Variants in MAGI2 observed in about 807,000 individuals in gnomAD.
MAGI2 encodes the protein membrane-associated guanylate kinase, WW and PDZ domain-containing protein 2.
In MAGI2, 35 loss-of-function variants were observed where a neutral mutation model predicts 133.3. That is an observed-to-expected ratio of 0.26 (90% confidence interval 0.20 to 0.35). The LOEUF (loss-of-function observed/expected upper bound fraction) is 0.35. Ranked by LOEUF, MAGI2 falls within the 10% of genes least tolerant of loss-of-function variation. The pLI, the probability that MAGI2 is intolerant of heterozygous loss-of-function variation, is 1.00. For synonymous variants in MAGI2, 729 were observed against 710.6 expected, an observed-to-expected ratio of 1.03 and a Z score of -0.41; for missense variants, 1,636 against 1,863.4, an observed-to-expected ratio of 0.88 and a Z score of 2.25.
At chr7:78,829,415 CTCAA>C (rs1470570704) in intron 2 of MAGI2, among the ~76,000 whole-genome samples, 4 of 151,908 alleles carry the variant, frequency 2.6e-5, no homozygotes, top group African/African-American at 7.3e-5. Context: ...TTTTTCATGG[CTCAA>C]TCAAAGATTT....
chr7:78,915,840 G>T (rs1205026996), intron 2 of MAGI2, among the ~76,000 whole-genome samples: 1 of 151,814 alleles, frequency 6.6e-6, no homozygotes, highest in African/African-American at 2.4e-5. Context: ...AAGGAGTGGG[G>T]GACTGCTTTT....
At chr7:79,033,454 T>C (rs988665127) in intron 1 of MAGI2, among the ~76,000 whole-genome samples, 4 of 151,980 alleles carry the variant, frequency 2.6e-5, no homozygotes, top group Non-Finnish European at 4.4e-5. Context: ...ATATGTGTTT[T>C]CTATGTCTAT....
intron 1 of MAGI2, among the ~76,000 whole-genome samples, chr7:79,026,662 C>G (rs1809914645): frequency 6.6e-6 from 1 of 151,976 alleles, no homozygotes; most frequent in Non-Finnish European, 1.5e-5. Context: ...TGCCTGAGCT[C>G]AGGAGTTCGA....
chr7:79,175,396 C>T (rs1188033546), intron 1 of MAGI2, among the ~76,000 whole-genome samples: 3 of 151,762 alleles, frequency 2.0e-5, no homozygotes, highest in Non-Finnish European at 2.9e-5. Context: ...TCTCTGTTGC[C>T]CCCTTCCCAT....
In MAGI2 at chr7:78,019,829, G is replaced by A; in HGVS notation, c.3854C>T (p.Thr1285Ile). 1.9e-6 allele frequency: 3 copies of A among 1,613,616 alleles called. No homozygotes were observed. Among genetic ancestry groups the A allele is most frequent in the Non-Finnish European group, 2.5e-6 (3 of 1,179,930 alleles). ...DPSHQISPGP[T>I]WDIKREHDVR... ...GTCGTGTTCCCGTTTGATATCCCAA[G>A]TTGGGCCTGGGCTTATCTGGTGGGA... Residue 1285 changes from threonine to isoleucine, a missense_variant, in exon 22 of 22, where the codon ACT (threonine) becomes ATT (isoleucine). By Grantham distance (89) the Thr-to-Ile change is moderately conservative (BLOSUM62 -1). Around this residue, in one of 5 missense-constraint regions of MAGI2, gnomAD observed 354 missense variants for 298.7 expected, o/e 1.19. Transcript: ENST00000354212.
chr7:78,183,382 C>T (rs1288202602), intron 13 of MAGI2, among the ~76,000 whole-genome samples: 1 of 150,854 alleles, frequency 6.6e-6, no homozygotes, highest in African/African-American at 2.4e-5. Flanking sequence ...TCTCCTGCCT[C>T]AGCTTCCCGA....
intron 20 of MAGI2, among the ~76,000 whole-genome samples, chr7:78,111,907 G>C (rs1819402816): frequency 6.6e-6 from 1 of 152,198 alleles, no homozygotes; most frequent in South Asian, 2.1e-4. Context: ...ACCCAGACGT[G>C]ATAAAACATT....
At chr7:79,393,413 C>T (rs978257431) in intron 1 of MAGI2, among the ~76,000 whole-genome samples, 2 of 152,220 alleles carry the variant, frequency 1.3e-5, no homozygotes, top group Non-Finnish European at 2.9e-5. Context: ...AAAACAAAAT[C>T]AATTCCTAAT....
chr7:79,311,212 G>A (rs1838265130), intron 1 of MAGI2, among the ~76,000 whole-genome samples: 1 of 151,926 alleles, frequency 6.6e-6, no homozygotes, highest in African/African-American at 2.4e-5. Context: ...GTCTAATACT[G>A]GTATTTGAAT....
chr7:79,122,684 G>T (rs1291776357), intron 1 of MAGI2, among the ~76,000 whole-genome samples: 9 of 144,330 alleles, frequency 6.2e-5, no homozygotes, highest in Non-Finnish European at 1.4e-4. Flanking sequence ...TGCTCTTGTT[G>T]CCCAGGCTGG....
intron 9 of MAGI2, among the ~76,000 whole-genome samples, chr7:78,297,703 A>G (rs990652976): frequency 1.1e-3 from 164 of 151,930 alleles, no homozygotes; most frequent in African/African-American, 3.9e-3. Context: ...ATTGGAAATC[A>G]TCATTCTCAG....
intron 21 of MAGI2, among the ~76,000 whole-genome samples, chr7:78,030,558 A>C (rs567799804): frequency 3.1e-4 from 47 of 152,312 alleles, no homozygotes; most frequent in African/African-American, 1.1e-3. Context: ...CCCGGCCTGA[A>C]TCCAATTATC....
At chr7:78,849,478 G>A (rs1792937707) in intron 2 of MAGI2, among the ~76,000 whole-genome samples, 1 of 152,046 alleles carries the variant, frequency 6.6e-6, no homozygotes, top group African/African-American at 2.4e-5. Flanking sequence ...CATGCAGAAG[G>A]TAACACATGA....
In MAGI2 at chr7:78,629,510, G is replaced by GA. The variant is rs1185926912; in HGVS notation, c.419-2272dup. Among the ~76,000 whole-genome samples the GA allele has an allele frequency of 5.2e-4, 79 of 152,130 alleles. 2 individuals are homozygous for GA. The highest frequency in any genetic ancestry group is 7.7e-4 in the East Asian group (4 of 5,168). The stretch of plus-strand genomic sequence containing the variant: ...GCCTCCCTAACTACTAAAGGACTAT[G>GA]AAAAAACCAGAATCTCTTCCTTCCT... On this transcript the variant is annotated intron_variant, in intron 2 of 21. Coordinates refer to ENST00000354212, the MANE Select transcript of MAGI2 (RefSeq NM_012301.4).
intron 1 of MAGI2, among the ~76,000 whole-genome samples, chr7:79,268,196 C>T (rs1412678471): frequency 6.6e-6 from 1 of 152,054 alleles, no homozygotes; most frequent in Non-Finnish European, 1.5e-5. Flanking sequence ...TTTTAATTTT[C>T]TTTAGTTCAA....
chr7:78,308,674 G>A (rs763100789), intron 9 of MAGI2, among the ~76,000 whole-genome samples: 17 of 151,894 alleles, frequency 1.1e-4, no homozygotes, highest in Non-Finnish European at 1.3e-4. Context: ...TGAAGTCCAC[G>A]AGAATCTCAG....
chr7:78,755,919 G>A (rs1240109474), intron 2 of MAGI2, among the ~76,000 whole-genome samples: 3 of 152,144 alleles, frequency 2.0e-5, no homozygotes, highest in African/African-American at 7.2e-5. Context: ...CAAGAGGGTT[G>A]TAGCTTTTTA....
At chr7:78,581,465 C>A (rs978139265) in intron 3 of MAGI2, among the ~76,000 whole-genome samples, 4 of 152,182 alleles carry the variant, frequency 2.6e-5, no homozygotes, top group African/African-American at 9.6e-5. Flanking sequence ...ATGGTTAGAA[C>A]TTTGACTGTA....
chr7:78,368,111 G>A (rs1401069566), intron 7 of MAGI2, among the ~76,000 whole-genome samples: 1 of 152,088 alleles, frequency 6.6e-6, no homozygotes, highest in Non-Finnish European at 1.5e-5. Flanking sequence ...GAAAATGATG[G>A]GTGAATGTAG....
Sources: gnomAD v4.1 joint callset for allele counts (sites outside exome capture counted in the v4.1 genomes callset) on GRCh38, gnomAD v4.1.1 for gene constraint, gnomAD v4.1.1 regional missense constraint, MANE v1.5 for transcripts, NCBI Gene and HGNC (gene_info 2026-07-23, HGNC 2026-07-21) for gene names.